Variants in STMN4 observed in about 807,000 individuals in gnomAD.
STMN4 encodes stathmin 4.
In STMN4, 12 loss-of-function variants were observed where a neutral mutation model predicts 29.1. The observed-to-expected ratio is 0.41, with a 90% confidence interval of 0.26 to 0.67. STMN4 has a LOEUF of 0.67. STMN4 is among the 30% of genes least tolerant of loss of function. The pLI is 0.30. For synonymous variants in STMN4, 114 were observed against 105.3 expected, an observed-to-expected ratio of 1.08 and a Z score of -0.51; for missense variants, 181 against 262.8, an observed-to-expected ratio of 0.69 and a Z score of 2.15.
intron 3 of STMN4, chr8:27,242,081 C>T (rs1801490903): frequency 3.6e-6 from 2 of 559,894 alleles, no homozygotes; most frequent in Non-Finnish European, 3.2e-6. Flanking sequence ...CTAGATGTTC[C>T]CCACAGGTAG....
intron 1 of STMN4, among the ~76,000 whole-genome samples, chr8:27,244,697 T>C (rs1801574622): frequency 6.6e-6 from 1 of 151,602 alleles, no homozygotes; most frequent in South Asian, 2.1e-4. Context: ...CCACTCAGTG[T>C]CCGTGGGATC....
At chr8:27,252,563 T>A (rs1393601864) in intron 1 of STMN4, among the ~76,000 whole-genome samples, 1 of 152,186 alleles carries the variant, frequency 6.6e-6, no homozygotes, top group African/African-American at 2.4e-5. Flanking sequence ...AGTGCTAGAA[T>A]GACAGGCATG....
At chr8:27,249,532 A>G (rs556522275) in intron 1 of STMN4, among the ~76,000 whole-genome samples, 11 of 152,210 alleles carry the variant, frequency 7.2e-5, no homozygotes, top group African/African-American at 2.6e-4. Context: ...CACGCAGAGA[A>G]CTCCTGGCAG....
At chr8:27,257,558 T>C (rs575981794) in intron 1 of STMN4, among the ~76,000 whole-genome samples, 5 of 152,010 alleles carry the variant, frequency 3.3e-5, no homozygotes, top group African/African-American at 1.2e-4. Flanking sequence ...CACCTGATTG[T>C]GTCTTCCTGG....
At chr8:27,253,522 T>C (rs991368452) in intron 1 of STMN4, among the ~76,000 whole-genome samples, 2 of 152,242 alleles carry the variant, frequency 1.3e-5, no homozygotes, top group African/African-American at 2.4e-5. Context: ...CAAATATTTA[T>C]TGAGGATCTA....
chr8:27,247,937 C>A (rs1200068767), intron 1 of STMN4, among the ~76,000 whole-genome samples: 2 of 152,316 alleles, frequency 1.3e-5, no homozygotes, highest in East Asian at 3.9e-4. Flanking sequence ...CCAATCCTAG[C>A]CCTTCTATTG....
intron 3 of STMN4, 38 bp from the exon 4 acceptor site, chr8:27,241,795 C>A (rs760662790): frequency 3.8e-5 from 61 of 1,612,008 alleles, no homozygotes; most frequent in Admixed American, 1.5e-4. Flanking sequence ...TCCGAGCATG[C>A]CTGTTCCTTG....
chr8:27,243,627 G>A (rs780141518), intron 2 of STMN4, 84 bp downstream of exon 2: 6 of 1,455,834 alleles, frequency 4.1e-6, no homozygotes, highest in South Asian at 1.1e-5. Context: ...TGCCAGCTGT[G>A]TTCTTCCCTG....
intron 4 of STMN4, 86 bp downstream of exon 4, chr8:27,241,591 A>G: frequency 6.8e-7 from 1 of 1,476,426 alleles, no homozygotes; most frequent in Non-Finnish European, 9.4e-7. Flanking sequence ...GGTGACAGGC[A>G]GGGGTGCGTT....
chr8:27,256,550 G>A (rs1586025806), intron 1 of STMN4, among the ~76,000 whole-genome samples: 1 of 151,996 alleles, frequency 6.6e-6, no homozygotes, highest in African/African-American at 2.4e-5. Context: ...TCATGATATG[G>A]ACATATACAC....
chr8:27,254,899 A>G (rs1321200621), intron 1 of STMN4, among the ~76,000 whole-genome samples: 5 of 137,010 alleles, frequency 3.6e-5, no homozygotes, highest in African/African-American at 1.4e-4. Context: ...GAGCATTCAC[A>G]TGTGTGTGTA....
chr8:27,252,245 A>G (rs567779086), intron 1 of STMN4, among the ~76,000 whole-genome samples: 33 of 152,260 alleles, frequency 2.2e-4, no homozygotes, highest in African/African-American at 7.7e-4. Flanking sequence ...AGTCTTTGCT[A>G]TCGTGAATAA....
At chr8:27,256,662 C>A (rs1801950949) in intron 1 of STMN4, among the ~76,000 whole-genome samples, 1 of 152,122 alleles carries the variant, frequency 6.6e-6, no homozygotes, top group South Asian at 2.1e-4. Flanking sequence ...ATTAATTATC[C>A]CATTACATGA....
chr8:27,256,378 TA>T (rs555578242), intron 1 of STMN4, among the ~76,000 whole-genome samples: 18 of 148,944 alleles, frequency 1.2e-4, no homozygotes, highest in East Asian at 7.8e-4. Context: ...AGTTAAAAAT[TA>T]AAAAAAAAAG....
At chr8:27,241,650 G>A (rs201144309) in intron 4 of STMN4, 27 bp downstream of exon 4, 11 of 1,613,618 alleles carry the variant, frequency 6.8e-6, no homozygotes, top group Middle Eastern at 1.7e-4. Context: ...CTCGGCCTGC[G>A]GAATCCCTCC....
At position 27,239,159 on chromosome 8, in the gene STMN4, G is replaced by A. The variant is rs1563411909; in HGVS notation, c.591+812C>T. The A allele has an allele frequency of 6.0e-6, 9 of 1,504,180 alleles. No homozygotes were observed. In the South Asian group the frequency reaches 7.5e-5, roughly 12 times the overall value. The allele number at this position is 1,504,180 out of a possible 1,614,324, so 93.2% of individuals were successfully genotyped here. The stretch of plus-strand genomic sequence containing the variant: ...TTGTGAAGAAACCAGATCCTTCTAG[G>A]ACCTGTTGCCAAGGGCCTGAGACTC... On this transcript the variant is annotated intron_variant, in intron 6 of 6. Transcript: ENST00000350889.
chr8:27,248,744 T>C (rs139419218), intron 1 of STMN4, among the ~76,000 whole-genome samples: 2,111 of 152,304 alleles, frequency 0.014, 48 homozygotes, highest in African/African-American at 0.045. Flanking sequence ...GGGGCAGAGC[T>C]GGGATTTGAG....
At chr8:27,250,474 A>G (rs1366418876) in intron 1 of STMN4, among the ~76,000 whole-genome samples, 1 of 152,222 alleles carries the variant, frequency 6.6e-6, no homozygotes, top group Non-Finnish European at 1.5e-5. Flanking sequence ...ATCTAGAGCC[A>G]TTGGAGCCTT....
chr8:27,241,189 G>C lies in STMN4; in HGVS notation c.264C>G (p.Gly88=). 1 of 1,614,244 alleles carries C rather than the reference G, an allele frequency of 6.2e-7. No homozygotes were observed. Among genetic ancestry groups the C allele is most frequent in the Non-Finnish European group, 8.5e-7 (1 of 1,180,050 alleles). The change falls in exon 5 of 7, where the codon GGC becomes GGG. Residue 88 remains glycine, a synonymous_variant. Transcript: ENST00000350889. ...GCTTCAGGATGACTTCAAAGGATTG[G>C]CCCGAGGTGCATTTGTTCAGCTCGA... The part of the protein sequence containing the change: ...EVIELNKCTS[G]QSFEVILKPP...
Sources: allele counts gnomAD v4.1 joint callset (sites outside exome capture counted in the v4.1 genomes callset), GRCh38; gene constraint gnomAD v4.1.1; transcripts MANE v1.5; gene names NCBI Gene and HGNC (gene_info 2026-07-23, HGNC 2026-07-21).